Variants in FBXL13 observed in about 807,000 individuals in gnomAD.
FBXL13 encodes F-box and leucine rich repeat protein 13.
FBXL13 carries 67 observed loss-of-function variants against 83.6 expected under a neutral mutation model. The ratio of observed to expected loss-of-function variants is 0.80; its 90% confidence interval spans 0.66 to 0.98. FBXL13 has a LOEUF of 0.98. Ranked by LOEUF, FBXL13 falls within the 50% of genes least tolerant of loss-of-function variation. The pLI is 0.00. For missense variants in FBXL13, 822 were observed against 866.5 expected (o/e 0.95, Z 0.64); for synonymous variants, 272 against 299.5 (o/e 0.91, Z 0.95).
intron 11 of FBXL13, among the ~76,000 whole-genome samples, chr7:102,884,925 G>A (rs578122307): frequency 1.4e-4 from 21 of 152,176 alleles, no homozygotes; most frequent in African/African-American, 5.1e-4. Flanking sequence ...CTTTCACTTA[G>A]TGTAATGTTT....
intron 1 of FBXL13, among the ~76,000 whole-genome samples, chr7:103,070,266 CCAT>C (rs1327915698): frequency 6.6e-6 from 1 of 152,016 alleles, no homozygotes; most frequent in Non-Finnish European, 1.5e-5. Context: ...CAGTCTCACT[CCAT>C]CACCCAGGCT....
chr7:102,889,649 A>G (rs1222882299), intron 11 of FBXL13, among the ~76,000 whole-genome samples: 1 of 151,756 alleles, frequency 6.6e-6, no homozygotes, highest in East Asian at 1.9e-4. Flanking sequence ...CCTATGAGTG[A>G]GAACATGCAG....
chr7:102,913,343 T>A lies in FBXL13; in HGVS notation c.879-128A>T, dbSNP rs985772283. 7.9e-6 allele frequency: 9 copies of A among 1,139,724 alleles called. No homozygotes were observed. In the African/African-American group the frequency reaches 1.1e-4, roughly 14 times the overall value. 70.6% of individuals were successfully genotyped at this position (1,139,724 alleles called of 1,614,324 possible). A position where few individuals can be genotyped will look rare whatever the true frequency, so the allele number is the denominator to read the frequency against. On this transcript the variant is annotated intron_variant, in intron 10 of 19. Coordinates refer to ENST00000313221, the Ensembl canonical transcript of FBXL13. ...TCTTGCAGATGTTCAACATTTAACT[T>A]TACTGTTAACTCTCTACCTGTTAAT...
At chr7:102,950,894 G>T (rs910089867) in intron 8 of FBXL13, among the ~76,000 whole-genome samples, 2 of 152,004 alleles carry the variant, frequency 1.3e-5, no homozygotes, top group Non-Finnish European at 2.9e-5. Context: ...GATTCCTAGG[G>T]GAATGAAACT....
intron 16 of FBXL13, among the ~76,000 whole-genome samples, chr7:102,876,745 G>A (rs1397333266): frequency 6.6e-6 from 1 of 152,062 alleles, no homozygotes; most frequent in Non-Finnish European, 1.5e-5. Context: ...GCAAGCAGAT[G>A]GAGGAGGGAT....
exon 11 of FBXL13, chr7:102,913,113 G>A (rs763327167): frequency 1.2e-6 from 2 of 1,614,096 alleles, no homozygotes; most frequent in Non-Finnish European, 1.7e-6. Context: ...GGTCCAGATA[G>A]ATGAGCTTGT....
intron 6 of FBXL13, among the ~76,000 whole-genome samples, chr7:102,997,401 A>G (rs1789923235): frequency 6.6e-6 from 1 of 152,182 alleles, no homozygotes; most frequent in African/African-American, 2.4e-5. Flanking sequence ...ATCACCTCCA[A>G]CATTTATCTT....
intron 8 of FBXL13, chr7:102,934,633 T>A: frequency 6.2e-7 from 1 of 1,608,220 alleles, no homozygotes; most frequent in Non-Finnish European, 8.5e-7. Context: ...TGGACTCAAC[T>A]TTTTGCCACA....
At chr7:102,967,572 A>C (rs1375552908) in intron 7 of FBXL13, among the ~76,000 whole-genome samples, 1 of 152,184 alleles carries the variant, frequency 6.6e-6, no homozygotes, top group Non-Finnish European at 1.5e-5. Context: ...TGTGCCCAGC[A>C]TAATCCTCTC....
chr7:102,917,172 A>C (rs1816064234), intron 10 of FBXL13, among the ~76,000 whole-genome samples: 1 of 152,192 alleles, frequency 6.6e-6, no homozygotes, highest in Admixed American at 6.5e-5. Flanking sequence ...CTGGCCTTCT[A>C]TTTACAGGGT....
chr7:102,960,029 T>G (rs950613323), intron 8 of FBXL13, among the ~76,000 whole-genome samples: 1 of 152,110 alleles, frequency 6.6e-6, no homozygotes, highest in Middle Eastern at 3.2e-3. Context: ...CTAATAACAT[T>G]GGATGCCTTT....
intron 6 of FBXL13, among the ~76,000 whole-genome samples, chr7:102,968,826 A>G (rs1411156145): frequency 1.3e-5 from 2 of 152,236 alleles, no homozygotes; most frequent in African/African-American, 4.8e-5. Flanking sequence ...AAATGGGTTC[A>G]GATTTTACTG....
chr7:103,061,360 G>A (rs1797888244), intron 1 of FBXL13, among the ~76,000 whole-genome samples: 1 of 152,130 alleles, frequency 6.6e-6, no homozygotes, highest in South Asian at 2.1e-4. Context: ...TCCCCTCTAA[G>A]AAAATTGTTA....
intron 8 of FBXL13, among the ~76,000 whole-genome samples, chr7:102,940,143 C>A (rs570231201): frequency 6.6e-5 from 10 of 152,098 alleles, no homozygotes; most frequent in African/African-American, 2.4e-4. Context: ...ATCCGCCCAC[C>A]TTGGCCTCCC....
Position 102,976,446 on chromosome 7 carries a change from G to A in FBXL13, c.496-8329C>T, listed in dbSNP as rs982888906. Among the ~76,000 whole-genome samples the A allele has an allele frequency of 2.0e-5, 3 of 151,892 alleles. No individual in the cohort carries two copies. In the South Asian group the frequency reaches 6.2e-4, roughly 32 times the overall value. Reference sequence around the variant, plus strand: ...CCCTCATGCCCAACTCCGCTCCAAGGCATCCTTTCAAAACTCCACACTGCT... The same window carrying A: ...CCCTCATGCCCAACTCCGCTCCAAGACATCCTTTCAAAACTCCACACTGCT... On this transcript the variant is annotated intron_variant, in intron 6 of 19. Coordinates refer to ENST00000313221, the Ensembl canonical transcript of FBXL13.
intron 1 of FBXL13, among the ~76,000 whole-genome samples, chr7:103,060,039 T>TATATATATATATATATAC (rs1797729357): frequency 1.1e-5 from 1 of 95,108 alleles, no homozygotes; most frequent in African/African-American, 5.0e-5. Flanking sequence ...TATATATATA[T>TATATATATATATATATAC]ATATATATAT....
chr7:102,916,138 G>A (rs1175274304), intron 10 of FBXL13, among the ~76,000 whole-genome samples: 4 of 151,928 alleles, frequency 2.6e-5, no homozygotes, highest in East Asian at 1.9e-4. Flanking sequence ...CACCCACCAC[G>A]ACGCCTGGCT....
chr7:102,982,032 G>T (rs917251011), intron 6 of FBXL13, among the ~76,000 whole-genome samples: 1 of 152,010 alleles, frequency 6.6e-6, no homozygotes, highest in Non-Finnish European at 1.5e-5. Flanking sequence ...ACTGGATCCC[G>T]GGCACATATA....
chr7:103,055,707 G>T, exon 2 of FBXL13: 1 of 1,284,958 alleles, frequency 7.8e-7, no homozygotes, highest in Non-Finnish European at 1.0e-6. Context: ...ATACCTCAGC[G>T]GATCCTCAGG....
Sources: gnomAD v4.1 joint callset for allele counts (sites outside exome capture counted in the v4.1 genomes callset) on GRCh38, gnomAD v4.1.1 for gene constraint, MANE v1.5 for transcripts, NCBI Gene and HGNC (gene_info 2026-07-23, HGNC 2026-07-21) for gene names.